Variants in RALYL observed in about 807,000 individuals in gnomAD.
The protein encoded by RALYL is RALY RNA binding protein like.
In RALYL, 29 loss-of-function variants were observed where a neutral mutation model predicts 35.1. That is an observed-to-expected ratio of 0.83 (90% CI 0.61 to 1.13). The LOEUF is 1.13. RALYL is among the 50% of genes most tolerant of loss of function. RALYL has a pLI of 0.00. For synonymous variants in RALYL, 120 were observed against 127.6 expected (o/e 0.94, Z 0.40); for missense variants, 359 against 360.4 (o/e 1.00, Z 0.03).
rs916943749 is a variant in RALYL at position 84,615,538 on chromosome 8, G to A, written c.256+85961G>A. Among the ~76,000 whole-genome samples the A allele has an allele frequency of 2.3e-5, 3 of 128,010 alleles. 1 individual carries two copies. The highest frequency in any genetic ancestry group is 2.7e-4 in the South Asian group (1 of 3,738). The allele number at this position is 128,010 out of a possible 152,430, so 84.0% of individuals were successfully genotyped here. On this transcript the variant is annotated intron_variant, in intron 2 of 8. Coordinates refer to ENST00000521268, the MANE Select transcript of RALYL (RefSeq NM_173848.7). Reference sequence around the variant, plus strand: ...GTGTACTACAAATATAAGTCAATACGTTCTAAGAGAGCCTGACTATAGAAC... The same window carrying A: ...GTGTACTACAAATATAAGTCAATACATTCTAAGAGAGCCTGACTATAGAAC...
chr8:84,863,354 AG>A (rs1299289961), intron 6 of RALYL, among the ~76,000 whole-genome samples: 1 of 152,166 alleles, frequency 6.6e-6, no homozygotes, highest in African/African-American at 2.4e-5. Flanking sequence ...TGAATAGTCA[AG>A]GAACAATAAG....
intron 2 of RALYL, among the ~76,000 whole-genome samples, chr8:84,571,123 G>A (rs890413281): frequency 1.3e-5 from 2 of 151,544 alleles, no homozygotes; most frequent in African/African-American, 4.8e-5. Context: ...TCTGATTTTG[G>A]TATCAGGGTG....
At chr8:84,890,223 T>G (rs1843589609) in intron 8 of RALYL, among the ~76,000 whole-genome samples, 1 of 152,126 alleles carries the variant, frequency 6.6e-6, no homozygotes, top group Admixed American at 6.6e-5. Flanking sequence ...GAAAGGGATC[T>G]AGACCACAAG....
At chr8:84,293,964 A>G (rs567691912) in intron 1 of RALYL, among the ~76,000 whole-genome samples, 1 of 152,208 alleles carries the variant, frequency 6.6e-6, no homozygotes, top group East Asian at 1.9e-4. Context: ...AACCTGTAAC[A>G]TTATTTTTCT....
At chr8:84,302,338 C>G (rs990666835) in intron 1 of RALYL, among the ~76,000 whole-genome samples, 1 of 152,112 alleles carries the variant, frequency 6.6e-6, no homozygotes, top group African/African-American at 2.4e-5. Context: ...TTCTCTAGAT[C>G]TTAAGAACTA....
chr8:84,833,970 C>A (rs929958675), intron 4 of RALYL, among the ~76,000 whole-genome samples: 2 of 151,762 alleles, frequency 1.3e-5, no homozygotes, highest in South Asian at 4.2e-4. Context: ...GTTTTGACAT[C>A]ATTCTCCAAC....
At chr8:84,219,906 G>T (rs1466881423) in intron 1 of RALYL, among the ~76,000 whole-genome samples, 1 of 151,948 alleles carries the variant, frequency 6.6e-6, no homozygotes, top group Non-Finnish European at 1.5e-5. Context: ...AATAATAAAA[G>T]ATTGGACAAA....
intron 1 of RALYL, among the ~76,000 whole-genome samples, chr8:84,298,384 T>C (rs1330803419): frequency 2.0e-5 from 3 of 152,100 alleles, no homozygotes; most frequent in East Asian, 1.9e-4. Flanking sequence ...TTCGGTTCCA[T>C]TGTCTATTGT....
chr8:84,286,807 C>T (rs1837715137), intron 1 of RALYL, among the ~76,000 whole-genome samples: 1 of 152,076 alleles, frequency 6.6e-6, no homozygotes, highest in Non-Finnish European at 1.5e-5. Flanking sequence ...TAGTTCTGGC[C>T]TCTGGGTGTG....
At chr8:84,858,927 T>G (rs929006096) in intron 5 of RALYL, among the ~76,000 whole-genome samples, 5 of 152,208 alleles carry the variant, frequency 3.3e-5, no homozygotes, top group African/African-American at 1.2e-4. Context: ...CATTAAAAGT[T>G]GTAAAATTAA....
chr8:84,367,318 A>ATTTGTTTTTGTTTTTGTTTT (rs756622990), intron 1 of RALYL, among the ~76,000 whole-genome samples: 4 of 27,408 alleles, frequency 1.5e-4, no homozygotes, highest in Middle Eastern at 0.02. Flanking sequence ...TAATTTTTGT[A>ATTTGTTTTTGTTTTTGTTTT]TTTTTTTTTT....
chr8:84,406,639 C>T (rs2043528099), intron 1 of RALYL, among the ~76,000 whole-genome samples: 1 of 151,914 alleles, frequency 6.6e-6, no homozygotes, highest in African/African-American at 2.4e-5. Context: ...CATACAACCT[C>T]TTACCTAGGA....
At chr8:84,917,748 G>A (rs1370894863) in intron 8 of RALYL, among the ~76,000 whole-genome samples, 2 of 151,674 alleles carry the variant, frequency 1.3e-5, no homozygotes, top group Non-Finnish European at 2.9e-5. Flanking sequence ...TACTCATTTT[G>A]GTTTTCATTC....
rs1204469358 is a variant in RALYL at position 84,299,882 on chromosome 8, A to C, written c.-24+115458A>C. 2.6e-5 allele frequency among the ~76,000 whole-genome samples: 4 copies of C among 152,008 alleles called. No homozygotes were observed. The East Asian group carries it at 7.8e-4, about 29-fold the overall frequency. On this transcript the variant is annotated intron_variant, in intron 1 of 8. Transcript: ENST00000521268. ...TCTTTATTAGTCTCACTAGCTGTCG[A>C]TCACATTTATTCTTTCAAAGAACCA...
At chr8:84,542,360 A>G (rs1189255487) in intron 2 of RALYL, among the ~76,000 whole-genome samples, 2 of 152,142 alleles carry the variant, frequency 1.3e-5, no homozygotes, top group Non-Finnish European at 2.9e-5. Flanking sequence ...GCATATATGT[A>G]TATATGTAAA....
chr8:84,299,975 T>G (rs1840468160), intron 1 of RALYL, among the ~76,000 whole-genome samples: 1 of 151,950 alleles, frequency 6.6e-6, no homozygotes, highest in South Asian at 2.1e-4. Flanking sequence ...AGTTCTGATT[T>G]TGGTTTGGGG....
At chr8:84,341,073 G>A (rs1848696105) in intron 1 of RALYL, among the ~76,000 whole-genome samples, 1 of 151,034 alleles carries the variant, frequency 6.6e-6, no homozygotes. Flanking sequence ...GTGGTATGGA[G>A]CATCTTTTCA....
chr8:84,737,371 T>G (rs919977559), intron 2 of RALYL, among the ~76,000 whole-genome samples: 5 of 152,014 alleles, frequency 3.3e-5, no homozygotes, highest in Non-Finnish European at 5.9e-5. Context: ...TATTACCCTA[T>G]GTACTACTAA....
At chr8:84,830,733 CAG>C (rs1462741166) in intron 4 of RALYL, among the ~76,000 whole-genome samples, 2 of 152,064 alleles carry the variant, frequency 1.3e-5, no homozygotes, top group East Asian at 3.9e-4. Flanking sequence ...TACAAGTAAA[CAG>C]AGCAATATTT....
Sources: allele counts gnomAD v4.1 joint callset (sites outside exome capture counted in the v4.1 genomes callset), GRCh38; gene constraint gnomAD v4.1.1; transcripts MANE v1.5; gene names NCBI Gene and HGNC (gene_info 2026-07-23, HGNC 2026-07-21).